ANKRD45: variants seen among roughly 807,000 people sequenced by gnomAD.
ANKRD45 encodes ankyrin repeat domain-containing protein 45.
A neutral mutation model predicts 28.1 loss-of-function variants in ANKRD45; 21 were observed. The ratio of observed to expected loss-of-function variants is 0.75; its 90% CI spans 0.53 to 1.08. The LOEUF (loss-of-function observed/expected upper bound fraction) is 1.08. Ranked by LOEUF, ANKRD45 falls within the 50% of genes least tolerant of loss-of-function variation. ANKRD45 has a pLI of 0.00. For synonymous variants in ANKRD45, 86 were observed against 103.9 expected, an observed-to-expected ratio of 0.83 and a Z score of 1.05; for missense variants, 261 against 308.7, an observed-to-expected ratio of 0.85 and a Z score of 1.16.
At chr1:173,676,834 C>CAAA in the ANKRD45 span, among the ~76,000 whole-genome samples, 6,714 of 98,636 alleles carry the variant, frequency 0.068, 719 homozygotes, top group African/African-American at 0.22. Context: ...GACTCCATCT[C>CAAA]AAAAAAAAAA....
the ANKRD45 span, among the ~76,000 whole-genome samples, chr1:173,677,573 G>A: frequency 6.6e-6 from 1 of 151,948 alleles, no homozygotes; most frequent in African/African-American, 2.4e-5. Flanking sequence ...TTAATTTCTG[G>A]CCCTCTGTCT....
At chr1:173,699,388 A>C in the ANKRD45 span, among the ~76,000 whole-genome samples, 2 of 152,246 alleles carry the variant, frequency 1.3e-5, no homozygotes, top group African/African-American at 2.4e-5. Context: ...ATTTTAGACC[A>C]ATATCCCTGA....
upstream of ANKRD45, among the ~76,000 whole-genome samples, chr1:173,673,642 A>C (rs577506072): frequency 1.3e-5 from 2 of 148,524 alleles, no homozygotes; most frequent in African/African-American, 5.3e-5. Flanking sequence ...ATTATTCTTG[A>C]AACCGACACT....
chr1:173,624,059 A>G (rs1476507495), intron 5 of ANKRD45, among the ~76,000 whole-genome samples: 3 of 152,174 alleles, frequency 2.0e-5, no homozygotes, highest in Non-Finnish European at 4.4e-5. Context: ...ACGTTTACCT[A>G]TGTAACAAAC....
At chr1:173,692,741 T>C in the ANKRD45 span, among the ~76,000 whole-genome samples, 1 of 152,184 alleles carries the variant, frequency 6.6e-6, no homozygotes, top group Non-Finnish European at 1.5e-5. Flanking sequence ...CATGTGCTTC[T>C]AGTGAAAGTT....
At chr1:173,657,206 C>A (rs1031601708) in intron 2 of ANKRD45, 1 of 173,966 alleles carries the variant, frequency 5.7e-6, no homozygotes, top group South Asian at 8.2e-5. Context: ...GTGACTCACA[C>A]CTATAATCCC....
intron 2 of ANKRD45, among the ~76,000 whole-genome samples, chr1:173,654,498 A>AGCTGC (rs1669402485): frequency 6.6e-6 from 1 of 152,188 alleles, no homozygotes; most frequent in South Asian, 2.1e-4. Flanking sequence ...CTTTGTGGGT[A>AGCTGC]ACCCAACCTT....
At chr1:173,700,692 A>G in the ANKRD45 span, among the ~76,000 whole-genome samples, 1 of 152,216 alleles carries the variant, frequency 6.6e-6, no homozygotes. Context: ...TTAAGACTTA[A>G]ATGTTAGACC....
chr1:173,687,285 T>A, the ANKRD45 span, among the ~76,000 whole-genome samples: 1 of 152,194 alleles, frequency 6.6e-6, no homozygotes, highest in Non-Finnish European at 1.5e-5. Flanking sequence ...TTATACAACA[T>A]TTCTTGCATA....
At chr1:173,688,622 G>C in the ANKRD45 span, among the ~76,000 whole-genome samples, 6 of 112,484 alleles carry the variant, frequency 5.3e-5, no homozygotes, top group Non-Finnish European at 6.9e-5. Context: ...CTCTCTCTCC[G>C]CCTCTTCCTC....
At chr1:173,668,091 A>G (rs1477807534) in intron 1 of ANKRD45, among the ~76,000 whole-genome samples, 1 of 152,258 alleles carries the variant, frequency 6.6e-6, no homozygotes, top group Non-Finnish European at 1.5e-5. Context: ...TTCTTACAAC[A>G]TATGTAATAC....
the ANKRD45 span, among the ~76,000 whole-genome samples, chr1:173,681,814 G>A: frequency 0.016 from 2,405 of 152,222 alleles, 52 homozygotes; most frequent in African/African-American, 0.056. Context: ...CACTTTGGGA[G>A]GCTGAGGTGG....
intron 3 of ANKRD45, among the ~76,000 whole-genome samples, chr1:173,636,092 A>G (rs966111855): frequency 6.6e-6 from 1 of 152,092 alleles, no homozygotes; most frequent in Non-Finnish European, 1.5e-5. Context: ...ACACACCAAA[A>G]AAAGTAGTGT....
chr1:173,701,490 T>C, the ANKRD45 span, among the ~76,000 whole-genome samples: 5 of 152,138 alleles, frequency 3.3e-5, no homozygotes, highest in Admixed American at 2.6e-4. Context: ...TATGCAGCCA[T>C]AAAAAAGGAT....
chr1:173,636,031 G>A (rs1233112630), intron 3 of ANKRD45, among the ~76,000 whole-genome samples: 1 of 151,992 alleles, frequency 6.6e-6, no homozygotes, highest in Admixed American at 6.6e-5. Flanking sequence ...AATGTGTATT[G>A]AATTAGAAGG....
chr1:173,699,760 T>C, the ANKRD45 span, among the ~76,000 whole-genome samples: 8 of 152,108 alleles, frequency 5.3e-5, no homozygotes, highest in African/African-American at 1.4e-4. Flanking sequence ...AAAACTGGCA[T>C]AAGACAGGGA....
At chr1:173,627,011 G>C in intron 4 of ANKRD45, 54 bp downstream of exon 4, 6 of 1,329,332 alleles carry the variant, frequency 4.5e-6, no homozygotes, top group Non-Finnish European at 5.3e-6. Flanking sequence ...AAATTAAAAT[G>C]TAAGACAAAA....
rs573148758 is a variant in ANKRD45 at position 173,613,276 on chromosome 1, G to A, written c.731-3061C>T. Among the ~76,000 whole-genome samples, 217 of 150,204 alleles carry A rather than the reference G, an allele frequency of 1.4e-3. 1 individual carries two copies. The highest frequency in any genetic ancestry group is 0.012 in the South Asian group (57 of 4,708). On this transcript the variant is annotated intron_variant, in intron 5 of 5. Transcript: ENST00000333279. Reference sequence around the variant, plus strand: ...TGGGAGGTGAGGAGCGTCTCTGCCCGGCCGCCCCGTCTGAGAAGCGAGGAG... The same window carrying A: ...TGGGAGGTGAGGAGCGTCTCTGCCCAGCCGCCCCGTCTGAGAAGCGAGGAG...
intron 5 of ANKRD45, among the ~76,000 whole-genome samples, chr1:173,612,186 A>G (rs1276204505): frequency 6.6e-6 from 1 of 152,086 alleles, no homozygotes; most frequent in African/African-American, 2.4e-5. Flanking sequence ...TTGAGGCTGC[A>G]GTGAGCTGTA....
Sources: gnomAD v4.1 joint callset for allele counts (sites outside exome capture counted in the v4.1 genomes callset) on GRCh38, gnomAD v4.1.1 for gene constraint, MANE v1.5 for transcripts, NCBI Gene and HGNC (gene_info 2026-07-23, HGNC 2026-07-21) for gene names.